The following TATDN1 variants were observed in gnomAD, a reference collection of about 807,000 sequenced individuals.
The protein encoded by TATDN1 is TatD DNase domain containing 1, also known as deoxyribonuclease TATDN1.
Under a neutral mutation model 46.4 loss-of-function variants are expected in TATDN1, and 40 were observed. The observed-to-expected ratio is 0.86, with a 90% CI of 0.67 to 1.12. TATDN1 has a LOEUF of 1.12. TATDN1 is among the 50% of genes most tolerant of loss of function. The pLI is 0.00. For synonymous variants in TATDN1, 95 were observed against 105.6 expected, an observed-to-expected ratio of 0.90 and a Z score of 0.62; for missense variants, 326 against 348.4, an observed-to-expected ratio of 0.94 and a Z score of 0.51.
At chr8:124,510,748 G>A (rs1818935257) in intron 6 of TATDN1, among the ~76,000 whole-genome samples, 1 of 152,028 alleles carries the variant, frequency 6.6e-6, no homozygotes, top group Non-Finnish European at 1.5e-5. Context: ...GCTTGAGCCT[G>A]GCGAGGTCAA....
At chr8:124,504,506 A>G (rs911041304) in intron 8 of TATDN1, 159 bp from the exon 9 acceptor site, 1 of 426,292 alleles carries the variant, frequency 2.3e-6, no homozygotes, top group Non-Finnish European at 4.2e-6. Context: ...TTTTCATATT[A>G]TTTTTCACAA....
Position 124,539,024 on chromosome 8 carries a change from C to T in TATDN1, c.22+1G>A. ...AAGGGCGTGGAAAACGCTCCTCTTA[C>T]CGATAAACTTGAAGCGACTCATGAC... is the stretch of plus-strand genomic sequence containing the variant. On this transcript the variant is annotated splice_donor_variant, in intron 1 of 11. Transcript: ENST00000276692. LOFTEE classifies it high-confidence loss of function. 4.3e-6 allele frequency: 7 copies of T among 1,614,152 alleles called. No homozygotes were observed. Among genetic ancestry groups the T allele is most frequent in the Non-Finnish European group, 4.2e-6 (5 of 1,180,008 alleles).
intron 1 of TATDN1, among the ~76,000 whole-genome samples, chr8:124,533,749 G>C (rs919986948): frequency 2.0e-5 from 3 of 152,068 alleles, no homozygotes; most frequent in Non-Finnish European, 4.4e-5. Flanking sequence ...GGGTCTACTT[G>C]GTCGAGGGGG....
intron 6 of TATDN1, among the ~76,000 whole-genome samples, chr8:124,514,079 TAA>T (rs746793504): frequency 5.9e-5 from 9 of 152,124 alleles, no homozygotes; most frequent in Non-Finnish European, 1.2e-4. Flanking sequence ...ATGAGCGACC[TAA>T]AAGAGAGAGT....
intron 8 of TATDN1, among the ~76,000 whole-genome samples, chr8:124,508,214 G>A (rs1818680067): frequency 6.6e-6 from 1 of 152,044 alleles, no homozygotes; most frequent in Admixed American, 6.6e-5. Context: ...GAAATCTTTG[G>A]GAAGGGACTC....
intron 1 of TATDN1, among the ~76,000 whole-genome samples, chr8:124,533,220 A>C (rs564541864): frequency 3.3e-4 from 50 of 151,392 alleles, no homozygotes; most frequent in African/African-American, 1.2e-3. Flanking sequence ...CCACTGCACT[A>C]CAGCCTGGGC....
intron 9 of TATDN1, among the ~76,000 whole-genome samples, chr8:124,497,543 TC>T (rs1270599717): frequency 6.6e-6 from 1 of 152,178 alleles, no homozygotes; most frequent in Non-Finnish European, 1.5e-5. Flanking sequence ...TGCCTTGGCC[TC>T]CCAAAGTGCT....
intron 1 of TATDN1, among the ~76,000 whole-genome samples, chr8:124,525,494 C>G (rs1212613640): frequency 6.6e-6 from 1 of 152,188 alleles, no homozygotes; most frequent in Non-Finnish European, 1.5e-5. Context: ...CAGATAGTCA[C>G]AGCTCACCCG....
At chr8:124,538,207 G>A (rs1484020147) in intron 1 of TATDN1, 1 of 152,194 alleles carries the variant, frequency 6.6e-6, no homozygotes, top group African/African-American at 2.4e-5. Context: ...ACACTCAGCT[G>A]CTAAATGCTG....
chr8:124,508,697 T>C lies in TATDN1; in HGVS notation c.390-9A>G. On this transcript the variant is annotated splice_polypyrimidine_tract_variant and intron_variant, in intron 6 of 11. Coordinates refer to ENST00000276692, the MANE Select transcript of TATDN1 (RefSeq NM_032026.4). Reference sequence around the variant, plus strand: ...ACTGTTTTTCAAAATATCTGCATAATGCAAAAAAAAAAAATTCTCATTACA... The same window carrying C: ...ACTGTTTTTCAAAATATCTGCATAACGCAAAAAAAAAAAATTCTCATTACA... The C allele has an allele frequency of 6.7e-7, 1 of 1,482,996 alleles. No homozygotes were observed. 91.9% of individuals were successfully genotyped at this position (1,482,996 alleles called of 1,614,324 possible).
At chr8:124,531,871 G>A (rs1367219053) in intron 1 of TATDN1, among the ~76,000 whole-genome samples, 1 of 152,184 alleles carries the variant, frequency 6.6e-6, no homozygotes, top group Non-Finnish European at 1.5e-5. Context: ...GATTCTAATG[G>A]GTTAGATTAT....
In TATDN1 at chr8:124,504,212, G is replaced by C. The variant is rs1410869559; in HGVS notation, c.593+59C>G. The C allele has an allele frequency of 3.2e-6, 4 of 1,262,116 alleles. No individual in the cohort carries two copies. The South Asian group carries it at 5.4e-5, about 17-fold the overall frequency. The allele number at this position is 1,262,116 out of a possible 1,614,324, so 78.2% of individuals were successfully genotyped here. ...AATCTTCATCAGCAATTCACTGTAA[G>C]ACAATTTAAGAAATCTGCTTAAATA... On this transcript the variant is annotated intron_variant, in intron 9 of 11. Coordinates refer to ENST00000276692, the MANE Select transcript of TATDN1 (RefSeq NM_032026.4).
intron 3 of TATDN1, among the ~76,000 whole-genome samples, chr8:124,521,426 A>G (rs1455087897): frequency 6.6e-6 from 1 of 152,236 alleles, no homozygotes; most frequent in African/African-American, 2.4e-5. Context: ...TGATTTACCA[A>G]GCAGAGTGAC....
intron 1 of TATDN1, among the ~76,000 whole-genome samples, chr8:124,526,993 T>C (rs1002172127): frequency 2.4e-4 from 36 of 150,766 alleles, no homozygotes; most frequent in African/African-American, 8.6e-4. Flanking sequence ...CTGTAGGGTG[T>C]TGACTTAAAA....
chr8:124,496,416 T>C (rs529631555), intron 9 of TATDN1, among the ~76,000 whole-genome samples: 149 of 152,288 alleles, frequency 9.8e-4, no homozygotes, highest in African/African-American at 3.4e-3. Context: ...TGGACAAATA[T>C]GCAATGACAC....
chr8:124,532,314 C>A (rs750665671), intron 1 of TATDN1, among the ~76,000 whole-genome samples: 1 of 152,202 alleles, frequency 6.6e-6, no homozygotes, highest in Non-Finnish European at 1.5e-5. Context: ...GACAGAGTCT[C>A]ACTCTGTCGC....
intron 9 of TATDN1, among the ~76,000 whole-genome samples, chr8:124,502,633 A>C (rs1818074571): frequency 6.6e-6 from 1 of 152,196 alleles, no homozygotes; most frequent in Admixed American, 6.5e-5. Context: ...AATAGGAACT[A>C]GTCCAAATTG....
At chr8:124,508,763 G>T in intron 6 of TATDN1, 75 bp from the exon 7 acceptor site, 1 of 918,360 alleles carries the variant, frequency 1.1e-6, no homozygotes, top group Non-Finnish European at 1.6e-6. Context: ...TGTCAAAAGA[G>T]CTTTTAAATT....
At chr8:124,533,220 A>T (rs564541864) in intron 1 of TATDN1, among the ~76,000 whole-genome samples, 3 of 151,396 alleles carry the variant, frequency 2.0e-5, no homozygotes, top group Admixed American at 6.6e-5. Context: ...CCACTGCACT[A>T]CAGCCTGGGC....
Sources: allele counts gnomAD v4.1 joint callset (sites outside exome capture counted in the v4.1 genomes callset), GRCh38; gene constraint gnomAD v4.1.1; transcripts MANE v1.5; gene names NCBI Gene and HGNC (gene_info 2026-07-23, HGNC 2026-07-21).